The following FAT3 variants were observed in gnomAD, a reference collection of about 807,000 sequenced individuals.
The protein encoded by FAT3 is protocadherin Fat 3.
Under a neutral mutation model 310.2 loss-of-function variants are expected in FAT3, and 95 were observed. The ratio of observed to expected loss-of-function variants is 0.31; its 90% CI spans 0.26 to 0.36. The LOEUF (loss-of-function observed/expected upper bound fraction) is 0.36, where lower values mean the gene tolerates loss of function less well. FAT3 is among the 10% of genes least tolerant of loss of function. The pLI is 1.00. For missense variants in FAT3, 5,408 were observed against 5,715.6 expected (o/e 0.95, Z 1.74); for synonymous variants, 2,314 against 2,192.9 (o/e 1.06, Z -1.54).
rs572718777 is a variant in FAT3 at position 92,782,173 on chromosome 11, A to G, written c.4336-7770A>G. The stretch of plus-strand genomic sequence containing the variant: ...TAATAATAATAATAATAATTTTTTA[A>G]TTAGCCAGATGTGGTGGTCACGTGC... On this transcript the variant is annotated intron_variant, in intron 7 of 27. Transcript: ENST00000525166. Among the ~76,000 whole-genome samples, 78 of 152,266 alleles carry G rather than the reference A, an allele frequency of 5.1e-4. No homozygotes were observed. The South Asian group carries it at 0.015, about 30-fold the overall frequency.
intron 3 of FAT3, among the ~76,000 whole-genome samples, chr11:92,569,513 G>C (rs929389569): frequency 6.6e-6 from 1 of 152,152 alleles, no homozygotes; most frequent in Admixed American, 6.5e-5. Flanking sequence ...CGAAAGTTGA[G>C]AACAAGGCCT....
At chr11:92,637,104 A>G (rs1163523855) in intron 3 of FAT3, among the ~76,000 whole-genome samples, 1 of 152,194 alleles carries the variant, frequency 6.6e-6, no homozygotes, top group Non-Finnish European at 1.5e-5. Context: ...TGGGAGAGTC[A>G]GTCAGGATCA....
intron 21 of FAT3, among the ~76,000 whole-genome samples, chr11:92,865,012 C>CCCAAACCCAGTCTCTCTG (rs1388357762): frequency 6.6e-6 from 1 of 152,204 alleles, no homozygotes; most frequent in African/African-American, 2.4e-5. Context: ...TCTCTGCTCT[C>CCCAAACCCAGTCTCTCTG]CAGACCCAAA....
chr11:92,719,151 GCTAT>G (rs1256586559), intron 4 of FAT3, among the ~76,000 whole-genome samples: 3 of 152,262 alleles, frequency 2.0e-5, no homozygotes, highest in Admixed American at 2.0e-4. Context: ...TCAGCACATG[GCTAT>G]CTATTTTAGT....
rs547805509 is a variant in FAT3 at position 92,342,417 on chromosome 11, TG to T, written c.-17-9678del. On this transcript the variant is annotated intron_variant, in intron 1 of 27. Coordinates refer to ENST00000525166, the MANE Select transcript of FAT3 (RefSeq NM_001367949.2). Reference sequence around the variant, plus strand: ...GCTTTCGTATCTTCCGATTTTACTTTGTAGATTCTCTTTTCCTTGAAAGAGA... The same window carrying T: ...GCTTTCGTATCTTCCGATTTTACTTTTAGATTCTCTTTTCCTTGAAAGAGA... 3.5e-3 allele frequency among the ~76,000 whole-genome samples: 534 copies of T among 152,328 alleles called. 2 individuals are homozygous for T. The highest frequency in any genetic ancestry group is 5.7e-3 in the Non-Finnish European group (389 of 68,028).
Position 92,249,493 on chromosome 11 carries a change from T to C in FAT3, c.-18+24319T>C, listed in dbSNP as rs77172924. On this transcript the variant is annotated intron_variant, in intron 1 of 27. Coordinates refer to ENST00000525166, the MANE Select transcript of FAT3 (RefSeq NM_001367949.2). ...AAGCATTCTGTCACACCTGCCTGCT[T>C]TTCTTTCTTTTTCTCTTTACTTCAT... Among the ~76,000 whole-genome samples the C allele has an allele frequency of 3.2e-3, 487 of 152,208 alleles. 14 individuals carry two copies. The East Asian group carries it at 0.069, about 21-fold the overall frequency.
At chr11:92,398,673 G>T (rs1011793133) in intron 2 of FAT3, among the ~76,000 whole-genome samples, 19 of 151,986 alleles carry the variant, frequency 1.3e-4, no homozygotes, top group Middle Eastern at 3.2e-3. Context: ...ACCCAGCTAG[G>T]GCTCCAACCT....
intron 3 of FAT3, among the ~76,000 whole-genome samples, chr11:92,591,824 T>A (rs1301615971): frequency 6.6e-6 from 1 of 152,172 alleles, no homozygotes; most frequent in Non-Finnish European, 1.5e-5. Context: ...ACATTTTCTA[T>A]CTTTATTTCT....
intron 2 of FAT3, among the ~76,000 whole-genome samples, chr11:92,412,746 A>ATATATATATAT (rs1591252852): frequency 1.2e-3 from 21 of 18,056 alleles, no homozygotes; most frequent in Non-Finnish European, 2.1e-3. Flanking sequence ...TATATATATA[A>ATATATATATAT]ATATACATAC....
At chr11:92,493,919 G>A (rs1047624048) in intron 2 of FAT3, among the ~76,000 whole-genome samples, 2 of 152,130 alleles carry the variant, frequency 1.3e-5, no homozygotes, top group Middle Eastern at 3.4e-3. Flanking sequence ...GCAGTGGGCT[G>A]CAAGAATGAC....
At chr11:92,817,709 C>T (rs1947858193) in intron 13 of FAT3, among the ~76,000 whole-genome samples, 1 of 152,190 alleles carries the variant, frequency 6.6e-6, no homozygotes, top group Non-Finnish European at 1.5e-5. Flanking sequence ...TTTGCCCTGA[C>T]AGCATAGCTG....
intron 8 of FAT3, among the ~76,000 whole-genome samples, chr11:92,790,576 A>G (rs1947015721): frequency 6.6e-6 from 1 of 152,224 alleles, no homozygotes; most frequent in African/African-American, 2.4e-5. Context: ...TTCCTTAAGA[A>G]GTTAATCACA....
intron 2 of FAT3, among the ~76,000 whole-genome samples, chr11:92,401,066 TACA>T (rs1405137142): frequency 6.6e-6 from 1 of 152,170 alleles, no homozygotes; most frequent in African/African-American, 2.4e-5. Context: ...TTGCCATTCT[TACA>T]ACAAGAGAAA....
At chr11:92,464,317 C>G (rs560076962) in intron 2 of FAT3, among the ~76,000 whole-genome samples, 1 of 152,346 alleles carries the variant, frequency 6.6e-6, no homozygotes, top group South Asian at 2.1e-4. Flanking sequence ...GTAGGTCCCT[C>G]TGGGGGCCCA....
chr11:92,728,516 T>G (rs372645947), intron 4 of FAT3, among the ~76,000 whole-genome samples: 1 of 152,218 alleles, frequency 6.6e-6, no homozygotes, highest in African/African-American at 2.4e-5. Context: ...TGGTGGGGTT[T>G]TTTGTTTGTT....
At chr11:92,554,550 G>C (rs1248857428) in intron 3 of FAT3, among the ~76,000 whole-genome samples, 1 of 149,692 alleles carries the variant, frequency 6.7e-6, no homozygotes, top group South Asian at 2.1e-4. Context: ...ATTACTAGAG[G>C]GGATACTGTA....
chr11:92,680,265 A>G (rs913245285), intron 3 of FAT3, among the ~76,000 whole-genome samples: 2 of 152,028 alleles, frequency 1.3e-5, no homozygotes, highest in African/African-American at 4.8e-5. Flanking sequence ...TCTTTACTCC[A>G]TCTTGAGTTG....
At chr11:92,857,382 T>C in intron 20 of FAT3, 34 bp downstream of exon 20, 1 of 1,611,332 alleles carries the variant, frequency 6.2e-7, no homozygotes, top group Non-Finnish European at 8.5e-7. Context: ...CAGATCTAAT[T>C]TCATATTCCT....
intron 2 of FAT3, among the ~76,000 whole-genome samples, chr11:92,469,202 G>A (rs372844569): frequency 1.7e-4 from 26 of 152,204 alleles, no homozygotes; most frequent in African/African-American, 5.3e-4. Flanking sequence ...AATTGTTCAG[G>A]AACTCATAAA....
Sources: allele counts gnomAD v4.1 joint callset (sites outside exome capture counted in the v4.1 genomes callset), GRCh38; gene constraint gnomAD v4.1.1; transcripts MANE v1.5; gene names NCBI Gene and HGNC (gene_info 2026-07-23, HGNC 2026-07-21).